BPIFB4: variants seen among roughly 807,000 people sequenced by gnomAD.
BPIFB4 encodes the protein BPI fold-containing family B member 4.
A neutral mutation model predicts 69.2 loss-of-function variants in BPIFB4; 62 were observed. The observed-to-expected ratio is 0.90, with a 90% CI of 0.73 to 1.11. The LOEUF (loss-of-function observed/expected upper bound fraction) is 1.11. BPIFB4 is among the 50% of genes least tolerant of loss of function. The pLI, the probability that BPIFB4 is intolerant of heterozygous loss-of-function variation, is 0.00. For missense variants in BPIFB4, 789 were observed against 792.0 expected (o/e 1.00, Z 0.04); for synonymous variants, 330 against 332.7 (o/e 0.99, Z 0.09).
rs200333820 is a variant in BPIFB4 at position 33,092,529 on chromosome 20, G to T, written c.1215G>T (p.Pro405=). 16 of 1,614,126 alleles carry T rather than the reference G, an allele frequency of 9.9e-6. No homozygotes were observed. Among genetic ancestry groups the T allele is most frequent in the Non-Finnish European group, 1.4e-5 (16 of 1,180,016 alleles). ...GGTGGCCAGCTGTGTCTCCCAAGCC[G>T]ATGCCAGAGCTGCCTCCCATGGGTG... ...PLGWPAVSPK[P]MPELPPMGDN... The change falls in exon 11 of 18, where the codon CCG becomes CCT. Residue 405 remains proline, a synonymous_variant. Coordinates refer to ENST00000375483, the MANE Select transcript of BPIFB4 (RefSeq NM_182519.3).
At chr20:33,101,064 TGAGGAGGAGGAC>T (rs984948092) in intron 14 of BPIFB4, among the ~76,000 whole-genome samples, 49 of 152,146 alleles carry the variant, frequency 3.2e-4, no homozygotes, top group Admixed American at 1.0e-3. Context: ...GTGATGATGA[TGAGGAGGAGGAC>T]GAGGAGGAGG....
intron 15 of BPIFB4, among the ~76,000 whole-genome samples, chr20:33,104,106 G>A (rs941578497): frequency 7.9e-5 from 12 of 152,252 alleles, no homozygotes; most frequent in Admixed American, 3.3e-4. Flanking sequence ...AGGCACTGCC[G>A]GAAAGTGAGT....
Position 33,084,950 on chromosome 20 carries a change from G to A in BPIFB4, c.736G>A (p.Gly246Ser), listed in dbSNP as rs1433387286. 2 of 1,611,720 alleles carry A rather than the reference G, an allele frequency of 1.2e-6. No homozygotes were observed. Among genetic ancestry groups the A allele is most frequent in the Non-Finnish European group, 1.7e-6 (2 of 1,179,996 alleles). ...GTCCGTGCGGCTCCTGCCCGGCGTG[G>A]GTGTCTACCTGAGCTTGTACACCCG... ...RVSVRLLPGV[G>S]VYLSLYTRVA... The change falls in exon 6 of 18, where the codon GGT (glycine) becomes AGT (serine). Residue 246 changes from glycine to serine, a missense_variant. Gly to Ser is a moderately conservative substitution (Grantham distance 56). Around this residue, in one of 3 missense-constraint regions of BPIFB4, gnomAD observed 611 missense variants for 575.4 expected, o/e 1.06. Transcript: ENST00000375483.
In BPIFB4 at chr20:33,089,045, A is replaced by G; in HGVS notation, c.990+16A>G. 1 of 1,613,814 alleles carries G rather than the reference A, an allele frequency of 6.2e-7. No homozygotes were observed. The highest frequency in any genetic ancestry group is 8.5e-7 in the Non-Finnish European group (1 of 1,179,796). ...CCCTGACTTGGTAAGAAGCTGTCCCAGTATGGGAGCAAGGGGCACAGGCTT... is the reference window on the plus strand; with the variant it reads ...CCCTGACTTGGTAAGAAGCTGTCCCGGTATGGGAGCAAGGGGCACAGGCTT... On this transcript the variant is annotated intron_variant, in intron 8 of 17. Coordinates refer to ENST00000375483, the MANE Select transcript of BPIFB4 (RefSeq NM_182519.3).
intron 12 of BPIFB4, among the ~76,000 whole-genome samples, chr20:33,095,826 T>A (rs532654496): frequency 1.4e-4 from 22 of 152,044 alleles, no homozygotes; most frequent in Non-Finnish European, 2.2e-4. Context: ...CTTCTTTTTT[T>A]AAAAAAAAGC....
chr20:33,083,438 CTT>C lies in BPIFB4; in HGVS notation c.242_243del (p.Leu81ArgfsTer10). 1 of 1,613,756 alleles carries C rather than the reference CTT, an allele frequency of 6.2e-7. No homozygotes were observed. On this transcript the variant is annotated frameshift_variant, in exon 5 of 18. Coordinates refer to ENST00000375483, the MANE Select transcript of BPIFB4 (RefSeq NM_182519.3). LOFTEE classifies it high-confidence loss of function. ...PPPVYTNGKK[L>X]DGIYQYGHIE... is the part of the protein sequence containing the mutation. The stretch of plus-strand genomic sequence containing the variant: ...CCCAGTATATACCAACGGCAAAAAA[CTT>C]GATGGTATTTACCAGTATGGTCACA...
rs1339520817 is a variant in BPIFB4, at chr20:33,092,563, A to G, written c.1249A>G (p.Lys417Glu). 1.2e-6 allele frequency: 2 copies of G among 1,614,020 alleles called. No individual in the cohort carries two copies. The highest frequency in any genetic ancestry group is 1.1e-5 in the South Asian group (1 of 91,080). ...PELPPMGDNTKSQLAMSANFL... is the reference protein window; with the variant it reads ...PELPPMGDNTESQLAMSANFL... The stretch of plus-strand genomic sequence containing the variant: ...GCTGCCTCCCATGGGTGACAACACC[A>G]AGTCCCAGCTGGCCATGTCTGCCAA... Residue 417 changes from lysine to glutamate, a missense_variant, in exon 11 of 18, where the codon AAG (lysine) becomes GAG (glutamate). Coordinates refer to ENST00000375483, the MANE Select transcript of BPIFB4 (RefSeq NM_182519.3).
chr20:33,100,562 G>A lies in BPIFB4; in HGVS notation c.1637+69G>A, dbSNP rs990859731. The A allele has an allele frequency of 1.9e-4, 282 of 1,446,928 alleles. 1 individual carries two copies. Among genetic ancestry groups the A allele is most frequent in the South Asian group, 1.0e-3 (87 of 84,390 alleles). The allele number at this position is 1,446,928 out of a possible 1,614,324, so 89.6% of individuals were successfully genotyped here. ...GCTCATGGAGGAGCCACCAGGGAGC[G>A]GGTAGAGGTCTCCTGTGTGGCCATC... is the stretch of plus-strand genomic sequence containing the variant. On this transcript the variant is annotated intron_variant, in intron 14 of 17. Coordinates refer to ENST00000375483, the MANE Select transcript of BPIFB4 (RefSeq NM_182519.3).
At chr20:33,081,364 C>A in intron 2 of BPIFB4, 148 bp from the exon 3 acceptor site, 1 of 1,376,182 alleles carries the variant, frequency 7.3e-7, no homozygotes. Context: ...AATTCTGGAC[C>A]CTGCCTTAGT....
chr20:33,105,226 T>C (rs182518200), intron 16 of BPIFB4, among the ~76,000 whole-genome samples: 1 of 152,354 alleles, frequency 6.6e-6, no homozygotes, highest in African/African-American at 2.4e-5. Context: ...TATTTCCTTC[T>C]AAACTCTTTT....
chr20:33,109,355 T>C (rs1982171309), intron 17 of BPIFB4, among the ~76,000 whole-genome samples: 2 of 152,226 alleles, frequency 1.3e-5, no homozygotes, highest in South Asian at 4.1e-4. Context: ...ATACATAGTC[T>C]TTCATGGACT....
intron 17 of BPIFB4, among the ~76,000 whole-genome samples, chr20:33,109,081 C>T (rs1283314617): frequency 3.9e-5 from 6 of 152,102 alleles, no homozygotes; most frequent in African/African-American, 1.4e-4. Context: ...TGGGACAGTC[C>T]CCTGCCTTGG....
chr20:33,088,547 A>C (rs1017498552), intron 7 of BPIFB4, among the ~76,000 whole-genome samples: 1 of 152,112 alleles, frequency 6.6e-6, no homozygotes, highest in Non-Finnish European at 1.5e-5. Flanking sequence ...AGTACCTACT[A>C]TGTACTAGAT....
chr20:33,097,520 G>C, intron 12 of BPIFB4, 97 bp from the exon 13 acceptor site: 1 of 1,325,802 alleles, frequency 7.5e-7, no homozygotes, highest in Non-Finnish European at 1.0e-6. Context: ...CAAGCAACAT[G>C]AGACCCCGGT....
In BPIFB4 at chr20:33,092,544, T is replaced by G. The variant is rs767455154; in HGVS notation, c.1230T>G (p.Pro410=). ...CTCCCAAGCCGATGCCAGAGCTGCCTCCCATGGGTGACAACACCAAGTCCC... is the reference window on the plus strand; with the variant it reads ...CTCCCAAGCCGATGCCAGAGCTGCCGCCCATGGGTGACAACACCAAGTCCC... ...AVSPKPMPEL[P]PMGDNTKSQL... is the part of the protein sequence containing the mutation. The change falls in exon 11 of 18, where the codon CCT becomes CCG. Residue 410 remains proline (P), a synonymous_variant. Transcript: ENST00000375483. The G allele has an allele frequency of 1.9e-6, 3 of 1,613,982 alleles. No individual in the cohort carries two copies. Among genetic ancestry groups the G allele is most frequent in the Non-Finnish European group, 2.5e-6 (3 of 1,180,014 alleles).
chr20:33,103,387 G>C (rs1313903187), intron 15 of BPIFB4, among the ~76,000 whole-genome samples: 2 of 152,182 alleles, frequency 1.3e-5, no homozygotes, highest in Admixed American at 6.5e-5. Flanking sequence ...ACTGACTCCT[G>C]TGTGACCTTG....
intron 5 of BPIFB4, 106 bp downstream of exon 5, chr20:33,083,980 C>A: frequency 7.5e-7 from 1 of 1,334,588 alleles, no homozygotes; most frequent in Non-Finnish European, 1.0e-6. Context: ...CAGAGCCCCA[C>A]ACACTTCAGG....
Position 33,089,488 on chromosome 20 carries a change from TC to T in BPIFB4, c.991-6del, listed in dbSNP as rs751583921. Reference sequence around the variant, plus strand: ...CGTCAACAAGGCTTTGTGCCATTTCTCCCCTGCAGCTCTGCCCCATCGTGGA... The same window carrying T: ...CGTCAACAAGGCTTTGTGCCATTTCTCCCTGCAGCTCTGCCCCATCGTGGA... On this transcript the variant is annotated splice_polypyrimidine_tract_variant and intron_variant, in intron 8 of 17. Transcript: ENST00000375483. 1 of 1,614,192 alleles carries T rather than the reference TC, an allele frequency of 6.2e-7. No homozygotes were observed. The highest frequency in any genetic ancestry group is 8.5e-7 in the Non-Finnish European group (1 of 1,180,020).
rs547892124 is a variant in BPIFB4, at chr20:33,102,984, C to T, written c.1650C>T (p.Asn550=). 1 of 1,614,136 alleles carries T rather than the reference C, an allele frequency of 6.2e-7. No homozygotes were observed. The highest frequency in any genetic ancestry group is 1.7e-5 in the Admixed American group (1 of 60,030). Residue 550 remains asparagine (N), a synonymous_variant, in exon 15 of 18, where the codon AAC becomes AAT. Coordinates refer to ENST00000375483, the MANE Select transcript of BPIFB4 (RefSeq NM_182519.3). ...TCTTCGTCTACAGGACCAGCCTCAACCTCAGAACCTCAAACGTGGGCAACT... is the reference window on the plus strand; with the variant it reads ...TCTTCGTCTACAGGACCAGCCTCAATCTCAGAACCTCAAACGTGGGCAACT... ...IDAKLEKTSL[N]LRTSNVGNFD... is the part of the protein sequence containing the mutation.
Sources: gnomAD v4.1 joint callset for allele counts (sites outside exome capture counted in the v4.1 genomes callset) on GRCh38, gnomAD v4.1.1 for gene constraint, gnomAD v4.1.1 regional missense constraint, MANE v1.5 for transcripts, NCBI Gene and HGNC (gene_info 2026-07-23, HGNC 2026-07-21) for gene names.